Variants in ADAMTS17 observed in about 807,000 individuals in gnomAD.
ADAMTS17 encodes A disintegrin and metalloproteinase with thrombospondin motifs 17.
A neutral mutation model predicts 141.5 loss-of-function variants in ADAMTS17; 113 were observed. The ratio of observed to expected loss-of-function variants is 0.80; its 90% CI spans 0.69 to 0.93. The LOEUF is 0.93. Among genes scored for constraint, ADAMTS17 ranks in the 40% least tolerant of loss-of-function variants. The probability of loss-of-function intolerance (pLI) is 0.00; values close to 1 mark genes in which losing one functional copy is unlikely to be tolerated. For synonymous variants in ADAMTS17, 768 were observed against 630.6 expected (o/e 1.22, Z -3.27); for missense variants, 1,659 against 1,517.9 (o/e 1.09, Z -1.54).
At chr15:100,334,152 C>T (rs547527771) in intron 2 of ADAMTS17, among the ~76,000 whole-genome samples, 1 of 152,322 alleles carries the variant, frequency 6.6e-6, no homozygotes, top group South Asian at 2.1e-4. Context: ...CGCCACACCA[C>T]CTCGTGCCTG....
chr15:100,255,617 A>C (rs371338397), intron 6 of ADAMTS17, among the ~76,000 whole-genome samples: 2 of 140,186 alleles, frequency 1.4e-5, no homozygotes, highest in Non-Finnish European at 3.1e-5. Flanking sequence ...TGTTTTGAGC[A>C]ACACACACAC....
At chr15:100,237,116 TGGGGTGTC>T (rs1300793166) in intron 7 of ADAMTS17, among the ~76,000 whole-genome samples, 3 of 152,056 alleles carry the variant, frequency 2.0e-5, no homozygotes, top group Non-Finnish European at 2.9e-5. Flanking sequence ...CAAGCCTAAC[TGGGGTGTC>T]GGGCCAGCCA....
intron 15 of ADAMTS17, among the ~76,000 whole-genome samples, chr15:100,058,133 TC>T (rs770960018): frequency 6.0e-5 from 9 of 150,900 alleles, no homozygotes; most frequent in Admixed American, 2.0e-4. Flanking sequence ...TCTGCCCATA[TC>T]CCAGCACTAA....
At chr15:100,322,880 G>A (rs1161394876) in intron 3 of ADAMTS17, among the ~76,000 whole-genome samples, 1 of 152,108 alleles carries the variant, frequency 6.6e-6, no homozygotes, top group East Asian at 1.9e-4. Context: ...GAGGTCAGGA[G>A]ATCAAGACCA....
intron 8 of ADAMTS17, among the ~76,000 whole-genome samples, chr15:100,187,197 C>G (rs1161545846): frequency 6.6e-6 from 1 of 152,080 alleles, no homozygotes; most frequent in African/African-American, 2.4e-5. Context: ...GATAAGCATG[C>G]CCAGTGATAA....
intron 7 of ADAMTS17, among the ~76,000 whole-genome samples, chr15:100,206,970 G>C (rs912076015): frequency 4.6e-5 from 7 of 152,240 alleles, no homozygotes; most frequent in Non-Finnish European, 7.3e-5. Flanking sequence ...GAAGAAGGCA[G>C]AGTAGGGGCT....
At chr15:100,064,419 C>G (rs1254720538) in intron 15 of ADAMTS17, among the ~76,000 whole-genome samples, 1 of 152,198 alleles carries the variant, frequency 6.6e-6, no homozygotes, top group African/African-American at 2.4e-5. Flanking sequence ...AGAATATAGC[C>G]TGGTATTCTG....
chr15:100,001,571 T>C (rs2573668), intron 18 of ADAMTS17, among the ~76,000 whole-genome samples: 92,383 of 151,954 alleles, frequency 0.61, 28,605 homozygotes, highest in African/African-American at 0.73. Context: ...CGGTAACGAA[T>C]GTAGCACTCT....
chr15:100,065,055 A>T (rs1489179973), intron 15 of ADAMTS17, among the ~76,000 whole-genome samples: 1 of 152,166 alleles, frequency 6.6e-6, no homozygotes, highest in Non-Finnish European at 1.5e-5. Context: ...GGGTTTATTT[A>T]TTCATTCATT....
intron 19 of ADAMTS17, among the ~76,000 whole-genome samples, chr15:99,995,992 A>G (rs528418839): frequency 1.3e-5 from 2 of 152,120 alleles, no homozygotes; most frequent in East Asian, 1.9e-4. Context: ...CTGTAATGAT[A>G]ATTGATGATG....
chr15:100,283,833 C>T (rs2044362070), intron 3 of ADAMTS17, among the ~76,000 whole-genome samples: 2 of 152,300 alleles, frequency 1.3e-5, no homozygotes, highest in Admixed American at 6.5e-5. Flanking sequence ...GCACTGGGTA[C>T]AGTGGCTCAC....
At chr15:100,068,030 T>G (rs2033673968) in intron 15 of ADAMTS17, among the ~76,000 whole-genome samples, 1 of 152,134 alleles carries the variant, frequency 6.6e-6, no homozygotes, top group Non-Finnish European at 1.5e-5. Context: ...AGATGGCACC[T>G]GGAAAATCGG....
chr15:100,186,813 G>T (rs764639307), intron 8 of ADAMTS17, among the ~76,000 whole-genome samples: 1 of 152,136 alleles, frequency 6.6e-6, no homozygotes. Context: ...TAGGATTGTC[G>T]CTTTTATTTC....
intron 13 of ADAMTS17, among the ~76,000 whole-genome samples, chr15:100,112,384 G>A (rs56094165): frequency 0.075 from 11,371 of 152,046 alleles, 442 homozygotes; most frequent in South Asian, 0.15. Context: ...CCATTTGTCC[G>A]TCTCCCCTTT....
intron 9 of ADAMTS17, among the ~76,000 whole-genome samples, chr15:100,154,672 G>C (rs2039345733): frequency 2.0e-5 from 3 of 152,174 alleles, no homozygotes; most frequent in African/African-American, 7.2e-5. Flanking sequence ...ACAGAAATCT[G>C]AGAATGGAAG....
At chr15:100,083,771 C>A (rs1216707529) in intron 15 of ADAMTS17, among the ~76,000 whole-genome samples, 3 of 150,302 alleles carry the variant, frequency 2.0e-5, no homozygotes, top group Non-Finnish European at 4.4e-5. Flanking sequence ...TTTCCAACCA[C>A]ATGTGACTTG....
At chr15:100,192,857 C>T (rs1166410110) in intron 8 of ADAMTS17, among the ~76,000 whole-genome samples, 2 of 151,788 alleles carry the variant, frequency 1.3e-5, no homozygotes, top group African/African-American at 4.8e-5. Flanking sequence ...ACATGGCTCT[C>T]CCCCAACCTT....
chr15:100,297,126 G>A (rs554412604), intron 3 of ADAMTS17, among the ~76,000 whole-genome samples: 7 of 152,234 alleles, frequency 4.6e-5, no homozygotes, highest in Non-Finnish European at 8.8e-5. Flanking sequence ...TAGGGGTGGG[G>A]GAGAGGAGCT....
At position 100,109,146 on chromosome 15, in the gene ADAMTS17, C is replaced by G. The variant is rs779332859; in HGVS notation, c.1889-30G>C. The G allele has an allele frequency of 7.6e-6, 12 of 1,589,036 alleles. No individual in the cohort carries two copies. The Middle Eastern group carries it at 6.6e-4, about 88-fold the overall frequency. On this transcript the variant is annotated intron_variant, in intron 13 of 21. Coordinates refer to ENST00000268070, the MANE Select transcript of ADAMTS17 (RefSeq NM_139057.4). ...GGAGGGAAAGGTTGGAGGACGTTGA[C>G]ACGGGAAGGTGTGCGTGGGCCATGC... is the stretch of plus-strand genomic sequence containing the variant.
Sources: allele counts gnomAD v4.1 joint callset (sites outside exome capture counted in the v4.1 genomes callset), GRCh38; gene constraint gnomAD v4.1.1; transcripts MANE v1.5; gene names NCBI Gene and HGNC (gene_info 2026-07-23, HGNC 2026-07-21).